NOL11: variants seen among roughly 807,000 people sequenced by gnomAD.
NOL11 encodes the protein nucleolar protein 11.
Under a neutral mutation model 93.0 loss-of-function variants are expected in NOL11, and 42 were observed. The observed-to-expected ratio is 0.45, with a 90% CI of 0.35 to 0.58. NOL11 has a LOEUF of 0.58. Ranked by LOEUF, NOL11 falls within the 20% of genes least tolerant of loss-of-function variation. The pLI, the probability that NOL11 is intolerant of heterozygous loss-of-function variation, is 0.00. For synonymous variants in NOL11, 296 were observed against 293.7 expected (o/e 1.01, Z -0.08); for missense variants, 775 against 841.8 (o/e 0.92, Z 0.98).
At chr17:67,725,888 TG>T (rs1471203003) in intron 6 of NOL11, among the ~76,000 whole-genome samples, 3 of 152,198 alleles carry the variant, frequency 2.0e-5, no homozygotes, top group Non-Finnish European at 4.4e-5. Context: ...GAGACCAGCC[TG>T]GGCAACATAG....
At chr17:67,735,799 T>G in intron 8 of NOL11, 101 bp from the exon 9 acceptor site, 1 of 803,424 alleles carries the variant, frequency 1.2e-6, no homozygotes, top group Non-Finnish European at 1.8e-6. Flanking sequence ...TTTGCCTCGT[T>G]TTTAATACTG....
At chr17:67,734,757 G>A (rs1388765718) in intron 8 of NOL11, among the ~76,000 whole-genome samples, 1 of 152,178 alleles carries the variant, frequency 6.6e-6, no homozygotes, top group African/African-American at 2.4e-5. Flanking sequence ...AGTGCTGTAT[G>A]ATTGTGCCTG....
Position 67,721,523 on chromosome 17 carries a change from TTAAG to T in NOL11, c.461+3_461+6del, listed in dbSNP as rs745706036. 56 of 1,609,872 alleles carry T rather than the reference TTAAG, an allele frequency of 3.5e-5. No homozygotes were observed. Among genetic ancestry groups the T allele is most frequent in the Non-Finnish European group, 4.7e-5 (55 of 1,178,590 alleles). On this transcript the variant is annotated splice_donor_variant and coding_sequence_variant, in exon 4 of 18. Coordinates refer to ENST00000253247, the MANE Select transcript of NOL11 (RefSeq NM_015462.5). LOFTEE classifies it high-confidence loss of function. ...ACTGTTATCTCTGATGAAGAAGTGA[TTAAG>T]TAAGTTCCAGTACTTGTAAGTAAAT...
At chr17:67,733,286 AC>A (rs1383341934) in intron 7 of NOL11, among the ~76,000 whole-genome samples, 1 of 152,058 alleles carries the variant, frequency 6.6e-6, no homozygotes, top group Non-Finnish European at 1.5e-5. Flanking sequence ...AATCACTTGA[AC>A]CCAGGAGGCA....
intron 7 of NOL11, among the ~76,000 whole-genome samples, chr17:67,730,948 T>C (rs2055148866): frequency 6.6e-6 from 1 of 152,272 alleles, no homozygotes; most frequent in Admixed American, 6.5e-5. Flanking sequence ...TTCCATAATT[T>C]GGATTCTGGC....
chr17:67,724,852 A>G (rs1232633138), intron 6 of NOL11, among the ~76,000 whole-genome samples: 1 of 152,046 alleles, frequency 6.6e-6, no homozygotes, highest in Non-Finnish European at 1.5e-5. Flanking sequence ...AGGTCAGGAG[A>G]TCGAGACCAT....
At chr17:67,740,407 C>G (rs1444352034) in intron 16 of NOL11, among the ~76,000 whole-genome samples, 1 of 151,748 alleles carries the variant, frequency 6.6e-6, no homozygotes, top group Non-Finnish European at 1.5e-5. Flanking sequence ...GTCGGGAGTT[C>G]AAGACCAGCC....
chr17:67,729,098 TTG>T (rs201665480), intron 7 of NOL11, among the ~76,000 whole-genome samples: 6 of 41,506 alleles, frequency 1.4e-4, no homozygotes, highest in East Asian at 1.8e-3. Flanking sequence ...TTTGTTGTTG[TTG>T]TTTTTTTTTT....
chr17:67,721,952 A>G (rs1323995403), intron 4 of NOL11, among the ~76,000 whole-genome samples: 1 of 152,220 alleles, frequency 6.6e-6, no homozygotes, highest in Non-Finnish European at 1.5e-5. Context: ...ACACTTCATG[A>G]TTCCACATCT....
intron 14 of NOL11, 160 bp from the exon 15 acceptor site, chr17:67,738,772 A>G (rs1042122462): frequency 8.7e-6 from 5 of 571,552 alleles, no homozygotes; most frequent in Non-Finnish European, 1.2e-5. Flanking sequence ...AGTATTCCAC[A>G]TGATCTCCAA....
Position 67,732,447 on chromosome 17 carries a change from C to T in NOL11, c.854-1916C>T, listed in dbSNP as rs558286605. ...TGGAGGTTGCGGTGAGCCAAGATCA[C>T]ACCACTGCACTCCAGCCTGGGCAAT... On this transcript the variant is annotated intron_variant, in intron 7 of 17. Coordinates refer to ENST00000253247, the MANE Select transcript of NOL11 (RefSeq NM_015462.5). 8.3e-5 allele frequency among the ~76,000 whole-genome samples: 12 copies of T among 145,152 alleles called. No individual in the cohort carries two copies. The East Asian group carries it at 2.1e-3, about 25-fold the overall frequency.
chr17:67,738,423 C>T (rs2055224320), intron 14 of NOL11, 68 bp downstream of exon 14: 9 of 927,308 alleles, frequency 9.7e-6, no homozygotes, highest in Non-Finnish European at 1.5e-5. Context: ...AAGCAGTAAC[C>T]AAGGAGTAAC....
rs377086049 is a variant in NOL11, at chr17:67,738,351, C to G, written c.1759C>G (p.Leu587Val). 1.2e-6 allele frequency: 2 copies of G among 1,600,604 alleles called. No homozygotes were observed. Among genetic ancestry groups the G allele is most frequent in the Non-Finnish European group, 1.7e-6 (2 of 1,170,680 alleles). ...CCCTGTGGTACAAAAAAGAGCAGCTCTACTGTATCCTTTGACATAGAGCAT... is the reference window on the plus strand; with the variant it reads ...CCCTGTGGTACAAAAAAGAGCAGCTGTACTGTATCCTTTGACATAGAGCAT... ...SCPVVQKRAALLNAILHSAYS... is the reference protein window; with the variant it reads ...SCPVVQKRAAVLNAILHSAYS... The change falls in exon 14 of 18, where the codon CTA becomes GTA. Residue 587 changes from leucine to valine, a missense_variant. Coordinates refer to ENST00000253247, the MANE Select transcript of NOL11 (RefSeq NM_015462.5).
chr17:67,736,835 T>A, intron 10 of NOL11, 81 bp downstream of exon 10: 1 of 1,065,014 alleles, frequency 9.4e-7, no homozygotes, highest in Non-Finnish European at 1.4e-6. Context: ...ATGAATCATA[T>A]CCTTACAACT....
Position 67,738,290 on chromosome 17 carries a change from A to G in NOL11, c.1698A>G (p.Lys566=). Residue 566 remains lysine, a synonymous_variant, in exon 14 of 18, where the codon AAA becomes AAG. Coordinates refer to ENST00000253247, the MANE Select transcript of NOL11 (RefSeq NM_015462.5). ...ATAACTGTGATCAAGAGTTAAATAA[A>G]AAGCCCCAGGACGAAACAAAGGAGA... ...KCNNCDQELN[K]KPQDETKEST... is the part of the protein sequence containing the mutation. 1 of 1,614,106 alleles carries G rather than the reference A, an allele frequency of 6.2e-7. No homozygotes were observed.
chr17:67,731,844 G>C (rs1668813861), intron 7 of NOL11, among the ~76,000 whole-genome samples: 2 of 152,204 alleles, frequency 1.3e-5, no homozygotes, highest in Non-Finnish European at 2.9e-5. Context: ...CACTGGGCCA[G>C]TACCACACTG....
intron 16 of NOL11, 45 bp from the exon 17 acceptor site, chr17:67,743,434 A>T: frequency 1.2e-6 from 1 of 839,004 alleles, no homozygotes; most frequent in African/African-American, 1.7e-5. Context: ...AATTAACCTG[A>T]AGTTAAATTT....
intron 16 of NOL11, chr17:67,740,541 G>T (rs2055246327): frequency 6.6e-6 from 1 of 151,694 alleles, no homozygotes; most frequent in Non-Finnish European, 1.5e-5. Flanking sequence ...CCCGGGAGTT[G>T]GAGGTTGCGG....
intron 9 of NOL11, among the ~76,000 whole-genome samples, chr17:67,736,232 G>T (rs2055200897): frequency 6.6e-6 from 1 of 151,522 alleles, no homozygotes; most frequent in African/African-American, 2.4e-5. Context: ...GATAGCTTGA[G>T]CCCGGGAGTT....
Sources: allele counts gnomAD v4.1 joint callset (sites outside exome capture counted in the v4.1 genomes callset), GRCh38; gene constraint gnomAD v4.1.1; transcripts MANE v1.5; gene names NCBI Gene and HGNC (gene_info 2026-07-23, HGNC 2026-07-21).